The following ADCY9 variants were observed in gnomAD, a reference collection of about 807,000 sequenced individuals.
ADCY9 encodes adenylate cyclase type 9.
A neutral mutation model predicts 101.5 loss-of-function variants in ADCY9; 50 were observed. That is an observed-to-expected ratio of 0.49 (90% CI 0.39 to 0.62). The LOEUF (loss-of-function observed/expected upper bound fraction) is 0.62. Among genes scored for constraint, ADCY9 ranks in the 20% least tolerant of loss-of-function variants. The pLI is 0.00. For missense variants in ADCY9, 1,662 were observed against 1,800.4 expected, an observed-to-expected ratio of 0.92 and a Z score of 1.39; for synonymous variants, 905 against 769.3, an observed-to-expected ratio of 1.18 and a Z score of -2.92.
chr16:4,041,747 T>G (rs1195402682), intron 2 of ADCY9, among the ~76,000 whole-genome samples: 1 of 148,338 alleles, frequency 6.7e-6, no homozygotes, highest in African/African-American at 2.5e-5. Context: ...ATTTATCTGA[T>G]TTTTTTTGTT....
At chr16:4,069,676 C>A (rs897755001) in intron 2 of ADCY9, among the ~76,000 whole-genome samples, 3 of 152,044 alleles carry the variant, frequency 2.0e-5, no homozygotes, top group Admixed American at 2.0e-4. Context: ...TCTACAGGAC[C>A]ATCTTCTAAG....
chr16:3,990,294 C>T (rs368110535), intron 5 of ADCY9, among the ~76,000 whole-genome samples: 196 of 152,016 alleles, frequency 1.3e-3, no homozygotes, highest in African/African-American at 4.2e-3. Context: ...GGTGAACCCC[C>T]GTTTCTACAA....
chr16:4,047,862 G>A (rs1040895503), intron 2 of ADCY9, among the ~76,000 whole-genome samples: 11 of 152,202 alleles, frequency 7.2e-5, no homozygotes, highest in African/African-American at 2.7e-4. Context: ...TCCGGCCAGA[G>A]TGTGTTGTTT....
intron 2 of ADCY9, among the ~76,000 whole-genome samples, chr16:4,019,643 G>A (rs564284870): frequency 8.5e-5 from 13 of 152,288 alleles, no homozygotes; most frequent in South Asian, 4.1e-4. Flanking sequence ...CCTGTCTTAT[G>A]GCAGAAAGCT....
intron 2 of ADCY9, among the ~76,000 whole-genome samples, chr16:4,081,945 G>A (rs1308349227): frequency 6.6e-6 from 1 of 152,062 alleles, no homozygotes; most frequent in Non-Finnish European, 1.5e-5. Context: ...TGGTGGTGAT[G>A]TGGGTTCCAA....
In ADCY9 at chr16:3,963,143, T is replaced by TATATAC. The variant is rs1555504954; in HGVS notation, c.*2631_*2632insGTATAT. ...ATATATATATATATATATATATATATGGATATATAATTCGATCTGAGCTGG... is the reference window on the plus strand; with the variant it reads ...ATATATATATATATATATATATATATATATACGGATATATAATTCGATCTGAGCTGG... On this transcript the variant is annotated 3_prime_UTR_variant, in exon 11 of 11. Coordinates refer to ENST00000294016, the MANE Select transcript of ADCY9 (RefSeq NM_001116.4). 1.1e-3 allele frequency: 172 copies of TATATAC among 157,066 alleles called. 3 individuals carry two copies. Among genetic ancestry groups the TATATAC allele is most frequent in the African/African-American group, 3.0e-3 (93 of 31,518 alleles). The allele number at this position is 157,066 out of a possible 1,614,324, so 9.7% of individuals were successfully genotyped here.
chr16:4,098,044 A>G (rs2057019441), intron 2 of ADCY9, among the ~76,000 whole-genome samples: 1 of 152,116 alleles, frequency 6.6e-6, no homozygotes, highest in Admixed American at 6.6e-5. Context: ...GCTGGAAAAG[A>G]GAGTGGCTGG....
At chr16:4,107,180 CTG>C (rs2057082594) in intron 2 of ADCY9, among the ~76,000 whole-genome samples, 1 of 152,196 alleles carries the variant, frequency 6.6e-6, no homozygotes, top group African/African-American at 2.4e-5. Context: ...TGGAGGGGAA[CTG>C]TGTGCCTCAT....
At position 4,115,504 on chromosome 16, in the gene ADCY9, G is replaced by C. The variant is rs2057145304; in HGVS notation, c.-43-19C>G. The C allele has an allele frequency of 6.8e-7, 1 of 1,464,362 alleles. No homozygotes were observed. Among genetic ancestry groups the C allele is most frequent in the African/African-American group, 1.4e-5 (1 of 70,516 alleles). The allele number at this position is 1,464,362 out of a possible 1,614,324, so 90.7% of individuals were successfully genotyped here. ...CCAGTACCTGCCAGCAAAACGGGGA[G>C]AGTTAGCGGCGCTCCCACCTAGGCA... On this transcript the variant is annotated intron_variant, in intron 1 of 10. Coordinates refer to ENST00000294016, the MANE Select transcript of ADCY9 (RefSeq NM_001116.4). This position sits in a 1 kb window ranked among gnomAD's most constrained non-coding sequence, Gnocchi z 6.2.
intron 10 of ADCY9, among the ~76,000 whole-genome samples, chr16:3,969,408 A>T (rs1171285466): frequency 2.2e-5 from 3 of 138,966 alleles, no homozygotes; most frequent in African/African-American, 7.9e-5. Flanking sequence ...TAATTTTTGT[A>T]TTTTTTTTTT....
chr16:3,989,022 C>T lies in ADCY9; in HGVS notation c.2282G>A (p.Arg761Gln), dbSNP rs1482479944. 4.3e-6 allele frequency: 7 copies of T among 1,613,756 alleles called. No individual in the cohort carries two copies. Among genetic ancestry groups the T allele is most frequent in the African/African-American group, 1.3e-5 (1 of 74,910 alleles). ...TTCCTGATAGCTGGTCCTGTAGGAT[C>T]GCTCCAGCTCCTGATCCAGGAAGTT... is the stretch of plus-strand genomic sequence containing the variant. ...SLNFLDQELE[R>Q]SYRTSYQEEV... Residue 761 changes from arginine to glutamine, a missense_variant, in exon 6 of 11, where the codon CGA becomes CAA. Physicochemically the swap from Arg to Gln is conservative, Grantham distance 43 (BLOSUM62 1). Coordinates refer to ENST00000294016, the MANE Select transcript of ADCY9 (RefSeq NM_001116.4).
At chr16:4,018,641 A>G (rs1179165528) in intron 2 of ADCY9, among the ~76,000 whole-genome samples, 1 of 152,180 alleles carries the variant, frequency 6.6e-6, no homozygotes, top group Non-Finnish European at 1.5e-5. Flanking sequence ...GCACAGGCAC[A>G]TGCTTGCTGT....
Position 3,965,989 on chromosome 16 carries a change from G to A in ADCY9, c.3848C>T (p.Pro1283Leu), listed in dbSNP as rs2055989547. Residue 1283 changes from proline to leucine, a missense_variant, in exon 11 of 11, where the codon CCT (proline) becomes CTT (leucine). This residue lies in a region of ADCY9 where 168 missense variants were observed against 155.3 expected (regional missense o/e 1.08). Transcript: ENST00000294016. ...TGTCTTGTCCACATACTGGACAGAA[G>A]GCACCAGGTTGGCAATCTCGTCTGT... ...SPTDEIANLV[P>L]SVQYVDKTSL... 5 of 1,614,196 alleles carry A rather than the reference G, an allele frequency of 3.1e-6. No individual in the cohort carries two copies. The highest frequency in any genetic ancestry group is 1.3e-5 in the African/African-American group (1 of 75,048).
At chr16:4,036,389 C>T (rs954371749) in intron 2 of ADCY9, among the ~76,000 whole-genome samples, 1 of 151,070 alleles carries the variant, frequency 6.6e-6, no homozygotes, top group Non-Finnish European at 1.5e-5. Context: ...GTATATAATG[C>T]GCAGTGATGA....
At position 3,963,225 on chromosome 16, in the gene ADCY9, C is replaced by T. The variant is rs2055954719; in HGVS notation, c.*2550G>A. On this transcript the variant is annotated 3_prime_UTR_variant, in exon 11 of 11. Transcript: ENST00000294016. ...AGCAACTATTTACACACATTCAATG[C>T]TGAAGTATTGCTTCCTGCCCTAAGT... 1 of 389,468 alleles carries T rather than the reference C, an allele frequency of 2.6e-6. No individual in the cohort carries two copies. The highest frequency in any genetic ancestry group is 4.5e-6 in the Non-Finnish European group (1 of 221,526). 24.1% of individuals were successfully genotyped at this position (389,468 alleles called of 1,614,324 possible).
intron 2 of ADCY9, among the ~76,000 whole-genome samples, chr16:4,026,824 C>T (rs886377418): frequency 2.6e-5 from 4 of 152,156 alleles, no homozygotes; most frequent in East Asian, 3.8e-4. Context: ...GTTGCTGGGT[C>T]GGCAGGGGCC....
intron 2 of ADCY9, among the ~76,000 whole-genome samples, chr16:4,036,695 C>G (rs1006097909): frequency 6.6e-6 from 1 of 152,084 alleles, no homozygotes; most frequent in Non-Finnish European, 1.5e-5. Flanking sequence ...CTCCTGACCT[C>G]AGGTGATCTG....
intron 2 of ADCY9, among the ~76,000 whole-genome samples, chr16:4,089,233 C>A (rs1038153000): frequency 6.6e-6 from 1 of 151,912 alleles, no homozygotes; most frequent in African/African-American, 2.4e-5. Context: ...TGCCACCATG[C>A]CTGGCTAATT....
intron 3 of ADCY9, among the ~76,000 whole-genome samples, chr16:3,993,901 G>A (rs974951772): frequency 1.5e-4 from 23 of 152,244 alleles, no homozygotes; most frequent in African/African-American, 4.6e-4. Context: ...GATATTACGT[G>A]ATCCCGTCTA....
Sources: gnomAD v4.1 joint callset for allele counts (sites outside exome capture counted in the v4.1 genomes callset) on GRCh38, gnomAD v4.1.1 for gene constraint, gnomAD v4.1.1 regional missense constraint, Gnocchi (gnomAD v3.1) non-coding constraint, MANE v1.5 for transcripts, NCBI Gene and HGNC (gene_info 2026-07-23, HGNC 2026-07-21) for gene names.